The following RASAL2 variants were observed in gnomAD, a reference collection of about 807,000 sequenced individuals.
RASAL2 encodes the protein RAS protein activator like 2.
Under a neutral mutation model 128.9 loss-of-function variants are expected in RASAL2, and 58 were observed. The ratio of observed to expected loss-of-function variants is 0.45; its 90% CI spans 0.36 to 0.56. The LOEUF (loss-of-function observed/expected upper bound fraction) is 0.56, where lower values mean the gene tolerates loss of function less well. Ranked by LOEUF, RASAL2 falls within the 20% of genes least tolerant of loss-of-function variation. The pLI is 0.00. For missense variants in RASAL2, 1,360 were observed against 1,601.6 expected (o/e 0.85, Z 2.57); for synonymous variants, 561 against 580.8 (o/e 0.97, Z 0.49).
chr1:178,308,208 T>C (rs1023069623), intron 3 of RASAL2, among the ~76,000 whole-genome samples: 136 of 152,198 alleles, frequency 8.9e-4, no homozygotes, highest in African/African-American at 3.2e-3. Context: ...TAATTTAACA[T>C]AGTATGCCTC....
intron 2 of RASAL2, among the ~76,000 whole-genome samples, chr1:178,288,881 C>G (rs1667154325): frequency 6.6e-6 from 1 of 151,966 alleles, no homozygotes; most frequent in Non-Finnish European, 1.5e-5. Context: ...GAACTCCTCA[C>G]CTCAGGTGAT....
At chr1:178,101,197 CAAAAG>C (rs896345243) in intron 1 of RASAL2, among the ~76,000 whole-genome samples, 5 of 152,038 alleles carry the variant, frequency 3.3e-5, no homozygotes, top group Admixed American at 6.6e-5. Context: ...ATACAGTAAA[CAAAAG>C]AAATAAAAAT....
At chr1:178,427,452 A>C (rs1675582235) in intron 5 of RASAL2, among the ~76,000 whole-genome samples, 1 of 152,152 alleles carries the variant, frequency 6.6e-6, no homozygotes, top group Non-Finnish European at 1.5e-5. Flanking sequence ...GCTCACTAAC[A>C]AAGTATGGTT....
At chr1:178,262,315 G>C (rs968251011) in intron 1 of RASAL2, among the ~76,000 whole-genome samples, 1 of 152,128 alleles carries the variant, frequency 6.6e-6, no homozygotes, top group African/African-American at 2.4e-5. Flanking sequence ...ATTGGTGCTT[G>C]TGTTTCAGTG....
At chr1:178,374,725 C>T (rs1387309962) in intron 3 of RASAL2, among the ~76,000 whole-genome samples, 1 of 152,144 alleles carries the variant, frequency 6.6e-6, no homozygotes, top group Non-Finnish European at 1.5e-5. Flanking sequence ...ATCCCCAAGC[C>T]TCCCTTCCAA....
At chr1:178,304,915 C>T (rs945139579) in intron 3 of RASAL2, among the ~76,000 whole-genome samples, 1 of 152,112 alleles carries the variant, frequency 6.6e-6, no homozygotes, top group Non-Finnish European at 1.5e-5. Flanking sequence ...AAAGACTCCA[C>T]TAAAAAACTG....
intron 1 of RASAL2, among the ~76,000 whole-genome samples, chr1:178,212,804 A>G (rs138701358): frequency 6.6e-5 from 10 of 152,216 alleles, no homozygotes; most frequent in African/African-American, 2.4e-4. Context: ...GGCCACTTCT[A>G]TCTAACTCTT....
intron 1 of RASAL2, among the ~76,000 whole-genome samples, chr1:178,186,076 AAAGTT>A (rs1360653632): frequency 1.3e-5 from 2 of 152,126 alleles, no homozygotes; most frequent in African/African-American, 2.4e-5. Context: ...TAGAGCTATT[AAAGTT>A]ATCTATTTCT....
intron 1 of RASAL2, among the ~76,000 whole-genome samples, chr1:178,195,855 A>G (rs1266590361): frequency 1.3e-5 from 2 of 152,096 alleles, no homozygotes; most frequent in Non-Finnish European, 2.9e-5. Context: ...CAAGGCTGTT[A>G]TTATAATCAT....
Position 178,295,847 on chromosome 1 carries a change from A to G in RASAL2, c.331-4145A>G, listed in dbSNP as rs889982338. Among the ~76,000 whole-genome samples the G allele has an allele frequency of 2.6e-5, 4 of 152,194 alleles. No homozygotes were observed. The South Asian group carries it at 6.2e-4, about 24-fold the overall frequency. On this transcript the variant is annotated intron_variant, in intron 2 of 17. Coordinates refer to ENST00000367649, the MANE Select transcript of RASAL2 (RefSeq NM_170692.4). The stretch of plus-strand genomic sequence containing the variant: ...TACTGAAAAATCCTCTTAAGCATAT[A>G]GTAGTCCTGAGCATCTTTTTAGCAT...
chr1:178,280,355 A>AT (rs944307480), intron 1 of RASAL2, among the ~76,000 whole-genome samples: 3 of 151,864 alleles, frequency 2.0e-5, no homozygotes, highest in Non-Finnish European at 2.9e-5. Context: ...CGCTCTTTTA[A>AT]TTTTTTTTGA....
intron 1 of RASAL2, among the ~76,000 whole-genome samples, chr1:178,105,016 A>T (rs1011253584): frequency 1.3e-5 from 2 of 152,222 alleles, no homozygotes; most frequent in Non-Finnish European, 2.9e-5. Flanking sequence ...GTTGACATTC[A>T]TGAAAGTTAT....
chr1:178,463,240 ACT>A (rs1647288938), intron 14 of RASAL2, among the ~76,000 whole-genome samples: 1 of 151,814 alleles, frequency 6.6e-6, no homozygotes, highest in Admixed American at 6.6e-5. Flanking sequence ...CAAGTTTTGT[ACT>A]CTCTCTTTAG....
chr1:178,149,577 T>G (rs1328226149), intron 1 of RASAL2, among the ~76,000 whole-genome samples: 1 of 151,816 alleles, frequency 6.6e-6, no homozygotes, highest in African/African-American at 2.4e-5. Context: ...ATTTTTAATG[T>G]ACCTTTTTGC....
rs1355077567 is a variant in RASAL2, at chr1:178,473,437, T to C, written c.*198T>C. On this transcript the variant is annotated 3_prime_UTR_variant, in exon 18 of 18. Transcript: ENST00000367649. ...CCAAGGTCAATGCTTTTCCCCCACATCTCTATGTACATAGGGAACTTAGTT... is the reference window on the plus strand; with the variant it reads ...CCAAGGTCAATGCTTTTCCCCCACACCTCTATGTACATAGGGAACTTAGTT... 3.2e-6 allele frequency: 2 copies of C among 629,994 alleles called. No homozygotes were observed. Among genetic ancestry groups the C allele is most frequent in the African/African-American group, 3.7e-5 (2 of 54,322 alleles). 39.0% of individuals were successfully genotyped at this position (629,994 alleles called of 1,614,324 possible).
chr1:178,151,662 G>C (rs1660919459), intron 1 of RASAL2, among the ~76,000 whole-genome samples: 1 of 152,134 alleles, frequency 6.6e-6, no homozygotes, highest in Non-Finnish European at 1.5e-5. Context: ...ATGATCCAAG[G>C]CTCCTGGTGT....
At chr1:178,220,682 T>C (rs1663584592) in intron 1 of RASAL2, among the ~76,000 whole-genome samples, 3 of 152,228 alleles carry the variant, frequency 2.0e-5, no homozygotes, top group South Asian at 2.1e-4. Context: ...ATGTAGCCTT[T>C]TCAGATTGGC....
intron 2 of RASAL2, among the ~76,000 whole-genome samples, chr1:178,299,144 A>G (rs1035293217): frequency 2.0e-5 from 3 of 152,186 alleles, no homozygotes; most frequent in Non-Finnish European, 4.4e-5. Context: ...TTGGAAGAAA[A>G]TATACCATTT....
intron 3 of RASAL2, chr1:178,341,722 T>TA (rs35491323): frequency 1.4e-6 from 2 of 1,468,494 alleles, no homozygotes; most frequent in South Asian, 1.2e-5. Flanking sequence ...TTATTGGCTT[T>TA]AAAAAAATAG....
Sources: allele counts gnomAD v4.1 joint callset (sites outside exome capture counted in the v4.1 genomes callset), GRCh38; gene constraint gnomAD v4.1.1; transcripts MANE v1.5; gene names NCBI Gene and HGNC (gene_info 2026-07-23, HGNC 2026-07-21).